The following PPP2R5C variants were observed in gnomAD, a reference collection of about 807,000 sequenced individuals.
PPP2R5C encodes the protein serine/threonine-protein phosphatase 2A 56 kDa regulatory subunit gamma isoform.
A neutral mutation model predicts 68.9 loss-of-function variants in PPP2R5C; 7 were observed. The ratio of observed to expected loss-of-function variants is 0.10; its 90% CI spans 0.06 to 0.19. The LOEUF (loss-of-function observed/expected upper bound fraction) is 0.19, where lower values mean the gene tolerates loss of function less well. Ranked by LOEUF, PPP2R5C falls within the 10% of genes least tolerant of loss-of-function variation. The probability of loss-of-function intolerance (pLI) is 1.00; values close to 1 mark genes in which losing one functional copy is unlikely to be tolerated. For missense variants in PPP2R5C, 348 were observed against 641.3 expected, an observed-to-expected ratio of 0.54 and a Z score of 4.94; for synonymous variants, 210 against 222.2, an observed-to-expected ratio of 0.95 and a Z score of 0.49.
At chr14:101,808,893 A>C (rs902140385), upstream of PPP2R5C, among the ~76,000 whole-genome samples, 1 of 152,056 alleles carries the variant, frequency 6.6e-6, no homozygotes, top group African/African-American at 2.4e-5. Context: ...ATCTCACCGC[A>C]CCCCCTCATG....
chr14:101,912,585 A>G (rs1307747616), intron 12 of PPP2R5C, 112 bp downstream of exon 14: 6 of 1,378,210 alleles, frequency 4.4e-6, no homozygotes, highest in East Asian at 2.7e-5. Context: ...AACGTTGTAT[A>G]TGAAAATGTC....
intron 3 of PPP2R5C, among the ~76,000 whole-genome samples, chr14:101,802,211 G>A (rs908015203): frequency 7.2e-5 from 11 of 152,112 alleles, no homozygotes; most frequent in Non-Finnish European, 5.9e-5. Context: ...TCAGGAGATC[G>A]AGACCATCCT....
intron 5 of PPP2R5C, among the ~76,000 whole-genome samples, chr14:101,886,604 C>T (rs890514271): frequency 5.9e-5 from 9 of 152,114 alleles, no homozygotes; most frequent in East Asian, 1.9e-4. Context: ...ATCTAGATTC[C>T]GTGATTGGTT....
intron 2 of PPP2R5C, among the ~76,000 whole-genome samples, chr14:101,769,579 A>T (rs1043237829): frequency 3.3e-5 from 5 of 152,244 alleles, no homozygotes; most frequent in Admixed American, 6.5e-5. Flanking sequence ...ATTTTTATTC[A>T]GTGTAATTCA....
intron 2 of PPP2R5C, among the ~76,000 whole-genome samples, chr14:101,780,545 GCTCGA>G (rs1395074716): frequency 6.6e-6 from 1 of 152,118 alleles, no homozygotes; most frequent in Non-Finnish European, 1.5e-5. Flanking sequence ...AAGTGTGGTG[GCTCGA>G]CTGCCCGGTG....
Position 101,768,289 on chromosome 14 carries a change from C to T in PPP2R5C, c.93+5319C>T, listed in dbSNP as rs150283695. On this transcript the variant is annotated intron_variant, in intron 2 of 14. Coordinates refer to the PPP2R5C transcript ENST00000328724. The stretch of plus-strand genomic sequence containing the variant: ...CATGCCTGGCACATATTCATCTGAG[C>T]ATTATATTTCCTTTAGAACAGCAGT... Among the ~76,000 whole-genome samples, 357 of 152,288 alleles carry T rather than the reference C, an allele frequency of 2.3e-3. 3 individuals carry two copies. The highest frequency in any genetic ancestry group is 0.014 in the Middle Eastern group (4 of 294).
rs557993653 is a variant in PPP2R5C, at chr14:101,877,725, C to T, written c.295-4436C>T. On this transcript the variant is annotated intron_variant, in intron 2 of 13. Coordinates refer to ENST00000334743, the Ensembl canonical transcript of PPP2R5C. The surrounding 1 kb of genome is among the most constrained non-coding windows in gnomAD (Gnocchi z 4.2). ...CCGTTGGCCCTCTGTTCCTTCCCCCCGCCCCAGTATTACTTTTTACTTAAC... is the reference window on the plus strand; with the variant it reads ...CCGTTGGCCCTCTGTTCCTTCCCCCTGCCCCAGTATTACTTTTTACTTAAC... 1.1e-4 allele frequency among the ~76,000 whole-genome samples: 16 copies of T among 152,290 alleles called. No individual in the cohort carries two copies. Among genetic ancestry groups the T allele is most frequent in the African/African-American group, 3.6e-4 (15 of 41,554 alleles).
At chr14:101,871,361 C>T (rs1350954300) in intron 2 of PPP2R5C, among the ~76,000 whole-genome samples, 2 of 152,110 alleles carry the variant, frequency 1.3e-5, no homozygotes, top group Non-Finnish European at 2.9e-5. Flanking sequence ...CCTGCCTCAG[C>T]CTCCCCCAAG....
At position 101,891,272 on chromosome 14, in the gene PPP2R5C, C is replaced by T. The variant is rs529881897; in HGVS notation, c.689+976C>T. ...CTGGCACTCTGGATGGATCTAGTGA[C>T]GCTCTGCAGCTCCTGAGCACAAGAC... On this transcript the variant is annotated intron_variant, in intron 6 of 13. Coordinates refer to ENST00000334743, the Ensembl canonical transcript of PPP2R5C. This position sits in a 1 kb window ranked among gnomAD's most constrained non-coding sequence, Gnocchi z 4.9. 3.4e-4 allele frequency among the ~76,000 whole-genome samples: 52 copies of T among 152,196 alleles called. No homozygotes were observed. The highest frequency in any genetic ancestry group is 9.6e-4 in the African/African-American group (40 of 41,530).
chr14:101,845,927 C>T (rs2041800665), intron 1 of PPP2R5C, among the ~76,000 whole-genome samples: 1 of 152,190 alleles, frequency 6.6e-6, no homozygotes. Flanking sequence ...AACTGCAGAC[C>T]AGCCCCACGT....
chr14:101,761,418 G>A (rs561099391), upstream of PPP2R5C, among the ~76,000 whole-genome samples: 3 of 151,914 alleles, frequency 2.0e-5, no homozygotes, highest in South Asian at 6.2e-4. Flanking sequence ...CCCCGCGCCA[G>A]GAGGCCGCGG....
exon 1 of PPP2R5C, chr14:101,810,033 C>A: frequency 6.2e-7 from 1 of 1,613,306 alleles, no homozygotes; most frequent in Middle Eastern, 1.7e-4. Flanking sequence ...TCTCCATATT[C>A]GAGGTAAGTT....
upstream of PPP2R5C, among the ~76,000 whole-genome samples, chr14:101,761,079 G>GGGGAGGGGAGGGAA (rs1180506720): frequency 2.1e-5 from 3 of 145,654 alleles, no homozygotes; most frequent in African/African-American, 2.5e-5. Flanking sequence ...GAGGAGGGAA[G>GGGGAGGGGAGGGAA]GGGAGGGGAG....
At chr14:101,862,365 C>T (rs1566916978) in intron 2 of PPP2R5C, among the ~76,000 whole-genome samples, 1 of 152,160 alleles carries the variant, frequency 6.6e-6, no homozygotes, top group African/African-American at 2.4e-5. Context: ...GAAGAGCCAC[C>T]TAACTCAATG....
At chr14:101,792,945 T>C (rs2038428312) in intron 3 of PPP2R5C, among the ~76,000 whole-genome samples, 1 of 152,016 alleles carries the variant, frequency 6.6e-6, no homozygotes, top group African/African-American at 2.4e-5. Context: ...TGGTGCAATC[T>C]TGGCTCCCTG....
At chr14:101,805,428 G>A (rs933023818), upstream of PPP2R5C, among the ~76,000 whole-genome samples, 11 of 152,234 alleles carry the variant, frequency 7.2e-5, no homozygotes, top group African/African-American at 2.7e-4. Context: ...CAGTATGGCA[G>A]TTCTTCCAAA....
intron 2 of PPP2R5C, among the ~76,000 whole-genome samples, chr14:101,867,207 ACT>A (rs1228630814): frequency 6.6e-6 from 1 of 150,770 alleles, no homozygotes; most frequent in South Asian, 2.1e-4. Context: ...ACAGAGCGAG[ACT>A]CTGTCAAAAA....
chr14:101,795,198 C>T (rs2038550597), intron 3 of PPP2R5C, among the ~76,000 whole-genome samples: 1 of 152,112 alleles, frequency 6.6e-6, no homozygotes, highest in South Asian at 2.1e-4. Context: ...TTTCCTTAAG[C>T]TTGATGAAGG....
rs972864986 is a variant in PPP2R5C at position 101,917,693 on chromosome 14, C to T, written c.1327-138C>T. 51 of 1,129,412 alleles carry T rather than the reference C, an allele frequency of 4.5e-5. No individual in the cohort carries two copies. Among genetic ancestry groups the T allele is most frequent in the South Asian group, 3.1e-4 (21 of 67,262 alleles). 70.0% of individuals were successfully genotyped at this position (1,129,412 alleles called of 1,614,324 possible). On this transcript the variant is annotated intron_variant, in intron 12 of 13. Coordinates refer to ENST00000334743, the Ensembl canonical transcript of PPP2R5C. This position sits in a 1 kb window ranked among gnomAD's most constrained non-coding sequence, Gnocchi z 4.4. The stretch of plus-strand genomic sequence containing the variant: ...AGCCGCATCATGTTGCAGGTGTAGG[C>T]GAGTCTCCCACTGAGTGGGCTTCCT...
Sources: gnomAD v4.1 joint callset for allele counts (sites outside exome capture counted in the v4.1 genomes callset) on GRCh38, gnomAD v4.1.1 for gene constraint, Gnocchi (gnomAD v3.1) non-coding constraint, MANE v1.5 for transcripts, NCBI Gene and HGNC (gene_info 2026-07-23, HGNC 2026-07-21) for gene names.